MYO16: variants seen among roughly 807,000 people sequenced by gnomAD.
The protein encoded by MYO16 is myosin XVI, also known as unconventional myosin-XVI.
A neutral mutation model predicts 205.3 loss-of-function variants in MYO16; 94 were observed. That is an observed-to-expected ratio of 0.46 (90% CI 0.39 to 0.54). MYO16 has a LOEUF of 0.54. Among genes scored for constraint, MYO16 ranks in the 20% least tolerant of loss-of-function variants. The pLI, the probability that MYO16 is intolerant of heterozygous loss-of-function variation, is 0.00. For synonymous variants in MYO16, 988 were observed against 954.0 expected (o/e 1.04, Z -0.66); for missense variants, 2,315 against 2,387.5 (o/e 0.97, Z 0.63).
intron 2 of MYO16, among the ~76,000 whole-genome samples, chr13:108,687,710 G>A (rs946557346): frequency 6.6e-6 from 1 of 152,212 alleles, no homozygotes; most frequent in African/African-American, 2.4e-5. Flanking sequence ...CCAAAATACT[G>A]ATTAGTTAAA....
chr13:108,678,232 A>G (rs567729177), intron 2 of MYO16, among the ~76,000 whole-genome samples: 1 of 152,348 alleles, frequency 6.6e-6, no homozygotes, highest in African/African-American at 2.4e-5. Context: ...CTGGACATGC[A>G]TAAACACTGC....
intron 1 of MYO16, among the ~76,000 whole-genome samples, chr13:108,631,777 TG>T (rs1204442876): frequency 6.6e-6 from 1 of 152,100 alleles, no homozygotes; most frequent in African/African-American, 2.4e-5. Flanking sequence ...CTTGGAAGGA[TG>T]AACAAAATAT....
intron 23 of MYO16, among the ~76,000 whole-genome samples, chr13:109,020,793 T>C (rs1330004219): frequency 6.6e-6 from 1 of 152,190 alleles, no homozygotes; most frequent in Admixed American, 6.6e-5. Context: ...CTCTCACCGC[T>C]GTCTTACAGT....
the MYO16 span, among the ~76,000 whole-genome samples, chr13:108,540,149 G>A: frequency 1.3e-5 from 2 of 152,084 alleles, no homozygotes; most frequent in Admixed American, 6.6e-5. Context: ...TGCAACTATT[G>A]AATGAGAGCC....
chr13:109,011,453 CTT>C (rs1207271849), intron 22 of MYO16, among the ~76,000 whole-genome samples: 1 of 144,560 alleles, frequency 6.9e-6, no homozygotes, highest in Non-Finnish European at 1.5e-5. Context: ...CAATTGCAGT[CTT>C]TGGATTTTAT....
At chr13:108,568,813 G>A in the MYO16 span, among the ~76,000 whole-genome samples, 1 of 151,956 alleles carries the variant, frequency 6.6e-6, no homozygotes, top group Non-Finnish European at 1.5e-5. Context: ...TCTTCAAAGA[G>A]TTTTGCGGTT....
At chr13:108,946,667 G>A (rs1882953661) in intron 16 of MYO16, among the ~76,000 whole-genome samples, 1 of 152,196 alleles carries the variant, frequency 6.6e-6, no homozygotes, top group Admixed American at 6.5e-5. Flanking sequence ...GCGGAGAAGA[G>A]AGTGTATTGG....
intron 2 of MYO16, among the ~76,000 whole-genome samples, chr13:108,678,309 C>A (rs1391508706): frequency 6.6e-6 from 1 of 152,306 alleles, no homozygotes; most frequent in Middle Eastern, 3.4e-3. Context: ...CTGACCTTCT[C>A]AAGATCATTA....
At chr13:108,659,759 A>T (rs1881417096) in intron 1 of MYO16, among the ~76,000 whole-genome samples, 1 of 152,186 alleles carries the variant, frequency 6.6e-6, no homozygotes. Context: ...ATTTCATTCA[A>T]CAACAACAGC....
At chr13:108,685,168 G>A (rs983557884) in intron 2 of MYO16, among the ~76,000 whole-genome samples, 7 of 152,010 alleles carry the variant, frequency 4.6e-5, no homozygotes, top group Middle Eastern at 3.4e-3. Context: ...GACTACAGGC[G>A]CATGCCACCA....
At chr13:108,766,157 T>G (rs1005020198) in intron 4 of MYO16, among the ~76,000 whole-genome samples, 1 of 152,226 alleles carries the variant, frequency 6.6e-6, no homozygotes, top group Non-Finnish European at 1.5e-5. Context: ...CTTCTAGTTT[T>G]TTCTCTGTGA....
intron 32 of MYO16, among the ~76,000 whole-genome samples, chr13:109,150,660 A>T (rs1347032351): frequency 1.3e-5 from 2 of 152,236 alleles, no homozygotes; most frequent in African/African-American, 2.4e-5. Flanking sequence ...ATGCTCTATA[A>T]TGCACCGTCA....
At chr13:109,082,115 C>T (rs748442654) in intron 27 of MYO16, among the ~76,000 whole-genome samples, 1 of 152,164 alleles carries the variant, frequency 6.6e-6, no homozygotes, top group African/African-American at 2.4e-5. Flanking sequence ...CAGAGCTTCT[C>T]AACTTGGCAT....
intron 4 of MYO16, among the ~76,000 whole-genome samples, chr13:108,784,906 A>T (rs747292249): frequency 7.2e-5 from 11 of 152,126 alleles, no homozygotes; most frequent in Non-Finnish European, 4.4e-5. Flanking sequence ...AGTTCATGTG[A>T]GTGATTCCTG....
Position 108,783,819 on chromosome 13 carries a change from C to T in MYO16, c.508-1816C>T, listed in dbSNP as rs189476460. Among the ~76,000 whole-genome samples, 4 of 152,262 alleles carry T rather than the reference C, an allele frequency of 2.6e-5. No homozygotes were observed. The South Asian group carries it at 6.2e-4, about 24-fold the overall frequency. ...CTGACGCCTTGTAAGAAGTGCCTTT[C>T]GCCTCCTGCCATGATTCTGAGGCCT... is the stretch of plus-strand genomic sequence containing the variant. On this transcript the variant is annotated intron_variant, in intron 4 of 34. Transcript: ENST00000457511.
intron 27 of MYO16, among the ~76,000 whole-genome samples, chr13:109,057,991 C>G (rs1024754257): frequency 6.6e-6 from 1 of 152,098 alleles, no homozygotes. Context: ...CCCAAAACAG[C>G]AGTTCTCTGA....
the MYO16 span, among the ~76,000 whole-genome samples, chr13:108,576,121 A>C: frequency 6.6e-6 from 1 of 152,168 alleles, no homozygotes; most frequent in African/African-American, 2.4e-5. Context: ...GAAGCTGGTA[A>C]GCTGAAGTTC....
At chr13:109,012,245 C>A (rs1426663051) in intron 22 of MYO16, among the ~76,000 whole-genome samples, 1 of 152,094 alleles carries the variant, frequency 6.6e-6, no homozygotes, top group African/African-American at 2.4e-5. Context: ...GGGCACAGAC[C>A]AGTACTGGTC....
intron 21 of MYO16, among the ~76,000 whole-genome samples, chr13:109,000,908 G>A (rs2139459906): frequency 6.6e-6 from 1 of 151,980 alleles, no homozygotes; most frequent in African/African-American, 2.4e-5. Context: ...AAATCCCAAA[G>A]TAGTAATTAT....
Sources: gnomAD v4.1 joint callset for allele counts (sites outside exome capture counted in the v4.1 genomes callset) on GRCh38, gnomAD v4.1.1 for gene constraint, MANE v1.5 for transcripts, NCBI Gene and HGNC (gene_info 2026-07-23, HGNC 2026-07-21) for gene names.